B3GALT1: variants seen among roughly 807,000 people sequenced by gnomAD.
B3GALT1 encodes UDP-Gal:betaGlcNAc beta 1,3-galactosyltransferase, polypeptide 1.
In B3GALT1, 10 loss-of-function variants were observed where a neutral mutation model predicts 23.2. The ratio of observed to expected loss-of-function variants is 0.43; its 90% CI spans 0.27 to 0.73. The LOEUF is 0.73. Ranked by LOEUF, B3GALT1 falls within the 30% of genes least tolerant of loss-of-function variation. B3GALT1 has a pLI of 0.21. For missense variants in B3GALT1, 299 were observed against 405.4 expected, an observed-to-expected ratio of 0.74 and a Z score of 2.25; for synonymous variants, 156 against 141.5, an observed-to-expected ratio of 1.10 and a Z score of -0.73.
At chr2:167,709,733 G>A (rs1204258929) in intron 3 of B3GALT1, among the ~76,000 whole-genome samples, 1 of 151,918 alleles carries the variant, frequency 6.6e-6, no homozygotes, top group Admixed American at 6.6e-5. Context: ...CATGAGAAGT[G>A]GTAGGTATAT....
In B3GALT1 at chr2:167,806,716, C is replaced by T. The variant is rs140874996; in HGVS notation, c.-351-11956C>T. ...TTTGATGTGCTGCTGGATTTGGTTG[C>T]CAGTATTTTATTGAGGATTTTTGCA... On this transcript the variant is annotated intron_variant, in intron 3 of 4. Coordinates refer to ENST00000392690, the MANE Select transcript of B3GALT1 (RefSeq NM_020981.4). Among the ~76,000 whole-genome samples, 1,034 of 152,100 alleles carry T rather than the reference C, an allele frequency of 6.8e-3. 13 individuals carry two copies. Among genetic ancestry groups the T allele is most frequent in the African/African-American group, 0.023 (958 of 41,468 alleles).
At chr2:167,857,952 G>GA (rs568189427) in intron 4 of B3GALT1, among the ~76,000 whole-genome samples, 4 of 151,712 alleles carry the variant, frequency 2.6e-5, no homozygotes, top group South Asian at 2.1e-4. Context: ...AGCCTATGAA[G>GA]AAAAAAAATC....
At chr2:167,697,099 G>A (rs1445541957) in intron 3 of B3GALT1, among the ~76,000 whole-genome samples, 1 of 152,080 alleles carries the variant, frequency 6.6e-6, no homozygotes, top group African/African-American at 2.4e-5. Flanking sequence ...TTCAGATGTG[G>A]TAGACCTCAA....
At chr2:167,654,489 TG>T (rs1685919799) in intron 3 of B3GALT1, among the ~76,000 whole-genome samples, 1 of 152,004 alleles carries the variant, frequency 6.6e-6, no homozygotes, top group African/African-American at 2.4e-5. Flanking sequence ...AACTGCTTTT[TG>T]TTTTCTCTCT....
At chr2:167,419,932 C>A (rs1450130604) in intron 1 of B3GALT1, among the ~76,000 whole-genome samples, 1 of 152,128 alleles carries the variant, frequency 6.6e-6, no homozygotes, top group African/African-American at 2.4e-5. Context: ...GAGAGTAGTT[C>A]ATGCTAAGGA....
chr2:167,815,740 T>C (rs913190119), intron 3 of B3GALT1, among the ~76,000 whole-genome samples: 4 of 152,186 alleles, frequency 2.6e-5, no homozygotes, highest in Admixed American at 1.3e-4. Context: ...ATTAATGAAA[T>C]GTAATGGAAT....
intron 1 of B3GALT1, among the ~76,000 whole-genome samples, chr2:167,441,925 T>C (rs186088022): frequency 6.6e-6 from 1 of 151,642 alleles, no homozygotes; most frequent in African/African-American, 2.4e-5. Flanking sequence ...CATGTGCACA[T>C]TGTGCAGGTT....
At chr2:167,338,156 C>T (rs892454139) in intron 1 of B3GALT1, among the ~76,000 whole-genome samples, 9 of 152,128 alleles carry the variant, frequency 5.9e-5, no homozygotes, top group African/African-American at 1.9e-4. Context: ...AATGGTCACA[C>T]ACAACAGCCA....
In B3GALT1 at chr2:167,400,752, C is replaced by T. The variant is rs75184160; in HGVS notation, c.-510-89425C>T. On this transcript the variant is annotated intron_variant, in intron 1 of 4. Transcript: ENST00000392690. ...AAAACCTGTGTGACAATTTGGCCAT[C>T]TTGAACTGAACAGGAGGCACATTTT... 1.1e-3 allele frequency among the ~76,000 whole-genome samples: 171 copies of T among 152,184 alleles called. 1 individual carries two copies. The East Asian group carries it at 0.017, about 15-fold the overall frequency.
chr2:167,430,164 G>T (rs555892738), intron 1 of B3GALT1, among the ~76,000 whole-genome samples: 7 of 152,302 alleles, frequency 4.6e-5, no homozygotes, highest in African/African-American at 1.7e-4. Flanking sequence ...TTCAGAAGGG[G>T]TTAGAGAATA....
intron 2 of B3GALT1, among the ~76,000 whole-genome samples, chr2:167,505,889 G>C (rs1176256415): frequency 6.6e-6 from 1 of 151,962 alleles, no homozygotes; most frequent in African/African-American, 2.4e-5. Context: ...GTGAAACCCT[G>C]TCTCTACCAA....
At chr2:167,562,856 G>C (rs1356666344) in intron 2 of B3GALT1, among the ~76,000 whole-genome samples, 2 of 151,844 alleles carry the variant, frequency 1.3e-5, no homozygotes, top group African/African-American at 2.4e-5. Flanking sequence ...TGACTCTTAA[G>C]GAGCATGCTG....
intron 2 of B3GALT1, among the ~76,000 whole-genome samples, chr2:167,582,841 C>T (rs771398815): frequency 3.9e-5 from 6 of 152,128 alleles, no homozygotes; most frequent in South Asian, 2.1e-4. Context: ...ATCAAGGCCC[C>T]GCACTGATCC....
At chr2:167,440,853 T>C (rs535111161) in intron 1 of B3GALT1, among the ~76,000 whole-genome samples, 75 of 152,306 alleles carry the variant, frequency 4.9e-4, no homozygotes, top group African/African-American at 1.7e-3. Context: ...ATTCCTAATT[T>C]GATCTTTTTT....
chr2:167,576,425 T>C (rs907484211), intron 2 of B3GALT1, among the ~76,000 whole-genome samples: 3 of 151,680 alleles, frequency 2.0e-5, no homozygotes, highest in African/African-American at 7.2e-5. Context: ...ATCTCAATTG[T>C]ACACTGAAAA....
chr2:167,600,824 C>T (rs1469485958), intron 2 of B3GALT1, among the ~76,000 whole-genome samples: 3 of 151,900 alleles, frequency 2.0e-5, no homozygotes, highest in Non-Finnish European at 4.4e-5. Flanking sequence ...GATTCTCCCC[C>T]GCCCCCCAAC....
chr2:167,412,071 G>GA (rs1334835224), intron 1 of B3GALT1, among the ~76,000 whole-genome samples: 2 of 151,642 alleles, frequency 1.3e-5, no homozygotes, highest in Non-Finnish European at 2.9e-5. Flanking sequence ...GGATGAAGGA[G>GA]AAAAAAGGAA....
At chr2:167,399,782 C>G (rs1698158033) in intron 1 of B3GALT1, among the ~76,000 whole-genome samples, 1 of 151,996 alleles carries the variant, frequency 6.6e-6, no homozygotes, top group South Asian at 2.1e-4. Flanking sequence ...CTTAACTTTA[C>G]TTCTGTGTTG....
chr2:167,674,686 T>G (rs1051551539), intron 3 of B3GALT1, among the ~76,000 whole-genome samples: 1 of 152,156 alleles, frequency 6.6e-6, no homozygotes, highest in Non-Finnish European at 1.5e-5. Flanking sequence ...AACTGAAAAG[T>G]ACTTGATGAA....
Sources: allele counts gnomAD v4.1 joint callset (sites outside exome capture counted in the v4.1 genomes callset), GRCh38; gene constraint gnomAD v4.1.1; transcripts MANE v1.5; gene names NCBI Gene and HGNC (gene_info 2026-07-23, HGNC 2026-07-21).